ARMC9: variants seen among roughly 807,000 people sequenced by gnomAD.
ARMC9 encodes lisH domain-containing protein ARMC9.
ARMC9 carries 94 observed loss-of-function variants against 107.0 expected under a neutral mutation model. The ratio of observed to expected loss-of-function variants is 0.88; its 90% CI spans 0.74 to 1.04. The LOEUF (loss-of-function observed/expected upper bound fraction) is 1.04. Ranked by LOEUF, ARMC9 falls within the 50% of genes least tolerant of loss-of-function variation. ARMC9 has a pLI of 0.00. For synonymous variants in ARMC9, 380 were observed against 396.9 expected, an observed-to-expected ratio of 0.96 and a Z score of 0.51; for missense variants, 942 against 1,030.1, an observed-to-expected ratio of 0.91 and a Z score of 1.17.
Position 231,225,824 on chromosome 2 carries a change from A to G in ARMC9, c.598-950A>G, listed in dbSNP as rs1387428648. On this transcript the variant is annotated intron_variant, in intron 6 of 24. Transcript: ENST00000611582. ...GTGATGGTTGCATAACTCTGAAAATACTGAAAACCATTGAAATGTACACAT... is the reference window on the plus strand; with the variant it reads ...GTGATGGTTGCATAACTCTGAAAATGCTGAAAACCATTGAAATGTACACAT... 5.9e-5 allele frequency among the ~76,000 whole-genome samples: 9 copies of G among 152,318 alleles called. No individual in the cohort carries two copies. In the East Asian group the frequency reaches 1.7e-3, roughly 29 times the overall value.
At chr2:231,367,422 C>T (rs2045861730) in intron 23 of ARMC9, among the ~76,000 whole-genome samples, 1 of 152,194 alleles carries the variant, frequency 6.6e-6, no homozygotes, top group African/African-American at 2.4e-5. Flanking sequence ...ATTGCACTGC[C>T]AGTTCCTCCA....
intron 5 of ARMC9, among the ~76,000 whole-genome samples, chr2:231,218,352 T>A (rs2033755126): frequency 6.6e-6 from 1 of 151,922 alleles, no homozygotes; most frequent in African/African-American, 2.4e-5. Context: ...ACAAAGAAAA[T>A]AATAAAAATA....
chr2:231,328,373 G>A (rs115244768), intron 19 of ARMC9, among the ~76,000 whole-genome samples: 2,964 of 152,146 alleles, frequency 0.019, 71 homozygotes, highest in African/African-American at 0.053. Flanking sequence ...CTTCTTAACA[G>A]CGTCTTTTCA....
At chr2:231,363,738 A>C (rs946409283) in intron 23 of ARMC9, among the ~76,000 whole-genome samples, 1 of 152,018 alleles carries the variant, frequency 6.6e-6, no homozygotes, top group Non-Finnish European at 1.5e-5. Context: ...TACAAAAATT[A>C]GCTGGGCGTG....
intron 15 of ARMC9, among the ~76,000 whole-genome samples, chr2:231,277,916 A>G (rs996830998): frequency 1.8e-4 from 28 of 152,284 alleles, no homozygotes; most frequent in Non-Finnish European, 2.9e-4. Flanking sequence ...TTTCTTCATC[A>G]TCATCACCAT....
chr2:231,224,950 G>A lies in ARMC9; in HGVS notation c.598-1824G>A, dbSNP rs188579016. Reference sequence around the variant, plus strand: ...TTAATATTACTGGAGCAGAGTATTGGCATAGACAAACTCAGAGACTAGGCA... The same window carrying A: ...TTAATATTACTGGAGCAGAGTATTGACATAGACAAACTCAGAGACTAGGCA... On this transcript the variant is annotated intron_variant, in intron 6 of 24. Coordinates refer to ENST00000611582, the MANE Select transcript of ARMC9 (RefSeq NM_001352754.2). 5.3e-4 allele frequency among the ~76,000 whole-genome samples: 81 copies of A among 152,322 alleles called. No individual in the cohort carries two copies. The Middle Eastern group carries it at 0.01, about 19-fold the overall frequency.
chr2:231,256,219 C>G (rs554383202), intron 9 of ARMC9: 1 of 1,531,232 alleles, frequency 6.5e-7, no homozygotes, highest in South Asian at 1.2e-5. Context: ...CGAGCCGATC[C>G]ATCATCCGCA....
intron 1 of ARMC9, among the ~76,000 whole-genome samples, chr2:231,204,606 G>A (rs1409036152): frequency 6.6e-6 from 1 of 152,186 alleles, no homozygotes; most frequent in Middle Eastern, 3.4e-3. Flanking sequence ...CCAGGCACTG[G>A]TCTAGGCACA....
chr2:231,299,862 A>G (rs1454623988), intron 19 of ARMC9, among the ~76,000 whole-genome samples: 1 of 152,298 alleles, frequency 6.6e-6, no homozygotes, highest in East Asian at 1.9e-4. Context: ...GAGAAACAAA[A>G]CCATCATTAG....
At chr2:231,254,533 G>A (rs1298836564) in intron 9 of ARMC9, among the ~76,000 whole-genome samples, 2 of 151,718 alleles carry the variant, frequency 1.3e-5, no homozygotes, top group Non-Finnish European at 2.9e-5. Flanking sequence ...CAAAATATCA[G>A]TAAGTACAAG....
intron 17 of ARMC9, among the ~76,000 whole-genome samples, chr2:231,287,938 G>A (rs995012949): frequency 3.3e-5 from 5 of 152,178 alleles, no homozygotes; most frequent in African/African-American, 9.7e-5. Flanking sequence ...AACAGAGGCC[G>A]GAAGGTAGAG....
chr2:231,298,262 C>T (rs1574995332), intron 19 of ARMC9, among the ~76,000 whole-genome samples: 1 of 152,392 alleles, frequency 6.6e-6, no homozygotes, highest in Non-Finnish European at 1.5e-5. Context: ...GGGGCTCCTT[C>T]TCCCAGGTAA....
At chr2:231,204,654 C>A (rs2031684664) in intron 1 of ARMC9, among the ~76,000 whole-genome samples, 1 of 151,854 alleles carries the variant, frequency 6.6e-6, no homozygotes. Flanking sequence ...AAAAATCAAG[C>A]AGTACAAAGG....
At position 231,331,777 on chromosome 2, in the gene ARMC9, A is replaced by G. The variant is rs771229254; in HGVS notation, c.1774-16A>G. 1 of 1,609,748 alleles carries G rather than the reference A, an allele frequency of 6.2e-7. No homozygotes were observed. Among genetic ancestry groups the G allele is most frequent in the Non-Finnish European group, 8.5e-7 (1 of 1,176,324 alleles). ...TCAGGGTGTCCATGGCATTCACCCC[A>G]TGTCTCCTGAAACAGGAGGACCATG... is the stretch of plus-strand genomic sequence containing the variant. On this transcript the variant is annotated splice_polypyrimidine_tract_variant and intron_variant, in intron 19 of 24. Transcript: ENST00000611582.
intron 21 of ARMC9, among the ~76,000 whole-genome samples, chr2:231,347,014 T>G (rs1343483426): frequency 6.6e-6 from 1 of 152,216 alleles, no homozygotes; most frequent in South Asian, 2.1e-4. Flanking sequence ...CATAAGGCTA[T>G]TTTAATCAGA....
At chr2:231,355,557 C>T (rs1038041231) in intron 21 of ARMC9, among the ~76,000 whole-genome samples, 1 of 152,174 alleles carries the variant, frequency 6.6e-6, no homozygotes, top group Non-Finnish European at 1.5e-5. Flanking sequence ...AGGAATACAC[C>T]ACGCCATGTA....
intron 20 of ARMC9, among the ~76,000 whole-genome samples, chr2:231,341,141 A>G (rs866647600): frequency 3.3e-5 from 5 of 152,184 alleles, no homozygotes; most frequent in Non-Finnish European, 7.3e-5. Context: ...TCAGTGAGCT[A>G]TGATTGCACC....
intron 12 of ARMC9, among the ~76,000 whole-genome samples, chr2:231,268,137 T>A (rs1272881686): frequency 6.6e-6 from 1 of 152,200 alleles, no homozygotes; most frequent in Non-Finnish European, 1.5e-5. Context: ...TTAAAAAATT[T>A]AAGGAGGAGC....
At chr2:231,244,932 A>G (rs1396937626) in intron 9 of ARMC9, among the ~76,000 whole-genome samples, 3 of 152,180 alleles carry the variant, frequency 2.0e-5, no homozygotes, top group African/African-American at 7.2e-5. Context: ...GCCTCTCTGG[A>G]GAGGAAGTCT....
Sources: allele counts gnomAD v4.1 joint callset (sites outside exome capture counted in the v4.1 genomes callset), GRCh38; gene constraint gnomAD v4.1.1; transcripts MANE v1.5; gene names NCBI Gene and HGNC (gene_info 2026-07-23, HGNC 2026-07-21).